The following ZNF644 variants were observed in gnomAD, a reference collection of about 807,000 sequenced individuals.
ZNF644 encodes zinc finger protein 644, also known as zinc finger motif enhancer binding protein 2.
Under a neutral mutation model 108.0 loss-of-function variants are expected in ZNF644, and 20 were observed. That is an observed-to-expected ratio of 0.19 (90% CI 0.13 to 0.27). The LOEUF is 0.27. ZNF644 is among the 10% of genes least tolerant of loss of function. ZNF644 has a pLI of 1.00. For synonymous variants in ZNF644, 542 were observed against 539.1 expected (o/e 1.01, Z -0.08); for missense variants, 1,338 against 1,548.9 (o/e 0.86, Z 2.29).
At chr1:90,960,340 C>T (rs573048681) in intron 2 of ZNF644, among the ~76,000 whole-genome samples, 7 of 152,164 alleles carry the variant, frequency 4.6e-5, no homozygotes, top group African/African-American at 1.4e-4. Context: ...AAGTTATGAA[C>T]GTGGTGCATT....
intron 2 of ZNF644, among the ~76,000 whole-genome samples, chr1:90,965,775 G>A (rs759030535): frequency 6.6e-6 from 1 of 152,018 alleles, no homozygotes; most frequent in Non-Finnish European, 1.5e-5. Context: ...TTGAGATGGA[G>A]TTTCGCTCTT....
intron 4 of ZNF644, among the ~76,000 whole-genome samples, chr1:90,930,657 A>C (rs1650627697): frequency 6.6e-6 from 1 of 152,224 alleles, no homozygotes; most frequent in South Asian, 2.1e-4. Flanking sequence ...CAAAGAATAT[A>C]ATAAAAAAGA....
At chr1:90,920,575 G>A (rs910799992) in intron 4 of ZNF644, among the ~76,000 whole-genome samples, 2 of 151,924 alleles carry the variant, frequency 1.3e-5, no homozygotes, top group African/African-American at 2.4e-5. Flanking sequence ...GGCTTTTGAT[G>A]CTTTATGGAC....
chr1:90,935,158 C>CA (rs200474768), intron 4 of ZNF644, among the ~76,000 whole-genome samples: 1,897 of 152,224 alleles, frequency 0.012, 37 homozygotes, highest in African/African-American at 0.043. Flanking sequence ...AAGGTAGACT[C>CA]AAAGTTCCAC....
rs549237169 is a variant in ZNF644, at chr1:91,021,747, C to T, written c.-18+243G>A. On this transcript the variant is annotated intron_variant, in intron 1 of 5. Coordinates refer to ENST00000337393, the MANE Select transcript of ZNF644 (RefSeq NM_201269.3). The stretch of plus-strand genomic sequence containing the variant: ...CCGCCGCCTCCCCGAACCCGGGGCC[C>T]GGGCTCCTTGTGTAGCACCAACTCC... 2.3e-3 allele frequency: 688 copies of T among 305,618 alleles called. 5 individuals carry two copies. The highest frequency in any genetic ancestry group is 3.2e-3 in the Non-Finnish European group (540 of 166,774). The allele number at this position is 305,618 out of a possible 1,614,324, so 18.9% of individuals were successfully genotyped here. A position where few individuals can be genotyped will look rare whatever the true frequency, so the allele number is the denominator to read the frequency against.
At chr1:90,964,854 TA>T in intron 2 of ZNF644, among the ~76,000 whole-genome samples, 1 of 152,296 alleles carries the variant, frequency 6.6e-6, no homozygotes, top group African/African-American at 2.4e-5. Context: ...GTTTTAGAGT[TA>T]AAAATTTTCT....
intron 1 of ZNF644, among the ~76,000 whole-genome samples, chr1:90,997,717 C>T (rs1444755638): frequency 1.3e-5 from 2 of 152,088 alleles, no homozygotes; most frequent in Admixed American, 6.5e-5. Context: ...GTGCAGCCCA[C>T]CAAGCATGAG....
intron 2 of ZNF644, among the ~76,000 whole-genome samples, chr1:90,980,592 T>C (rs1333321331): frequency 6.6e-6 from 1 of 152,162 alleles, no homozygotes; most frequent in Non-Finnish European, 1.5e-5. Context: ...CATAAATACT[T>C]TGTAGTGTGT....
chr1:91,003,450 C>A (rs1244738638), intron 1 of ZNF644, among the ~76,000 whole-genome samples: 1 of 151,800 alleles, frequency 6.6e-6, no homozygotes, highest in Non-Finnish European at 1.5e-5. Context: ...CAAACACCAC[C>A]TGTTCTCACT....
intron 2 of ZNF644, among the ~76,000 whole-genome samples, chr1:90,968,836 C>A (rs1202667199): frequency 6.6e-6 from 1 of 151,966 alleles, no homozygotes; most frequent in Non-Finnish European, 1.5e-5. Flanking sequence ...ATCAGTATAC[C>A]TTGAATGCAT....
In ZNF644 at chr1:90,938,693, T is replaced by C. The variant is rs1651610745; in HGVS notation, c.2661A>G (p.Val887=). 1.2e-6 allele frequency: 2 copies of C among 1,612,816 alleles called. No homozygotes were observed. The highest frequency in any genetic ancestry group is 2.7e-5 in the African/African-American group (2 of 74,952). ...ETYSDINQEH[V]NLFPLFKSKV... is the part of the protein sequence containing the mutation. ...TGCTCTTAAATAAAGGGAATAAATT[T>C]ACATGCTCTTGATTAATATCACTAT... is the stretch of plus-strand genomic sequence containing the variant. Residue 887 remains valine (V), a synonymous_variant, in exon 3 of 6, where the codon GTA becomes GTG. Coordinates refer to ENST00000337393, the MANE Select transcript of ZNF644 (RefSeq NM_201269.3). This position sits in a 1 kb window ranked among gnomAD's most constrained non-coding sequence, Gnocchi z 4.2.
intron 4 of ZNF644, among the ~76,000 whole-genome samples, chr1:90,932,710 A>C (rs112242778): frequency 0.02 from 3,061 of 152,272 alleles, 85 homozygotes; most frequent in African/African-American, 0.07. Context: ...TTGAAAAAAA[A>C]CTTCTTAGTT....
intron 4 of ZNF644, among the ~76,000 whole-genome samples, chr1:90,935,060 C>T (rs114791766): frequency 1.1e-3 from 160 of 151,972 alleles, no homozygotes; most frequent in African/African-American, 3.6e-3. Flanking sequence ...ACCACTGAGC[C>T]CGACTAGAAC....
chr1:91,006,306 G>A (rs1659411336), intron 1 of ZNF644, among the ~76,000 whole-genome samples: 1 of 152,216 alleles, frequency 6.6e-6, no homozygotes, highest in African/African-American at 2.4e-5. Flanking sequence ...TTCAGAGGCT[G>A]AGGCAGGAGG....
At position 91,007,086 on chromosome 1, in the gene ZNF644, G is replaced by A. The variant is rs547254403; in HGVS notation, c.-18+14904C>T. Among the ~76,000 whole-genome samples, 9 of 151,546 alleles carry A rather than the reference G, an allele frequency of 5.9e-5. No individual in the cohort carries two copies. The South Asian group carries it at 1.7e-3, about 28-fold the overall frequency. Reference sequence around the variant, plus strand: ...TCTTGATCTTCCCTTTATTTCTGGTGTCTGAAATTTCACCATGATGTATCT... The same window carrying A: ...TCTTGATCTTCCCTTTATTTCTGGTATCTGAAATTTCACCATGATGTATCT... On this transcript the variant is annotated intron_variant, in intron 1 of 5. Transcript: ENST00000337393.
chr1:90,963,810 T>C (rs556827740), intron 2 of ZNF644, among the ~76,000 whole-genome samples: 1 of 152,228 alleles, frequency 6.6e-6, no homozygotes, highest in South Asian at 2.1e-4. Flanking sequence ...AGGGGGTTTC[T>C]GGGTTGCTGG....
intron 2 of ZNF644, among the ~76,000 whole-genome samples, chr1:90,971,930 A>G (rs1655526061): frequency 6.6e-6 from 1 of 152,132 alleles, no homozygotes; most frequent in African/African-American, 2.4e-5. Context: ...TTCTTATATT[A>G]TTCCGTTTGC....
chr1:91,006,072 A>T (rs1659392371), intron 1 of ZNF644, among the ~76,000 whole-genome samples: 1 of 152,192 alleles, frequency 6.6e-6, no homozygotes, highest in Non-Finnish European at 1.5e-5. Context: ...TACCAACCTT[A>T]TATTAATAAA....
At chr1:90,926,601 A>G (rs1650066420) in intron 4 of ZNF644, among the ~76,000 whole-genome samples, 1 of 152,212 alleles carries the variant, frequency 6.6e-6, no homozygotes, top group South Asian at 2.1e-4. Context: ...ATGACAGAGA[A>G]GTAATGAAGC....
Sources: gnomAD v4.1 joint callset for allele counts (sites outside exome capture counted in the v4.1 genomes callset) on GRCh38, gnomAD v4.1.1 for gene constraint, Gnocchi (gnomAD v3.1) non-coding constraint, MANE v1.5 for transcripts, NCBI Gene and HGNC (gene_info 2026-07-23, HGNC 2026-07-21) for gene names.